The following TUBGCP5 variants were observed in gnomAD, a reference collection of about 807,000 sequenced individuals.
The protein encoded by TUBGCP5 is gamma-tubulin complex component 5.
In TUBGCP5, 98 loss-of-function variants were observed where a neutral mutation model predicts 134.7. That is an observed-to-expected ratio of 0.73 (90% CI 0.62 to 0.86). The LOEUF is 0.86. TUBGCP5 is among the 40% of genes least tolerant of loss of function. The pLI, the probability that TUBGCP5 is intolerant of heterozygous loss-of-function variation, is 0.00. For synonymous variants in TUBGCP5, 456 were observed against 431.4 expected (o/e 1.06, Z -0.71); for missense variants, 1,150 against 1,244.8 (o/e 0.92, Z 1.15).
chr15:23,016,969 G>GACATATATATATATATATATATATATAT (rs1555439437), intron 13 of TUBGCP5, among the ~76,000 whole-genome samples: 1 of 109,396 alleles, frequency 9.1e-6, no homozygotes, highest in East Asian at 3.1e-4. Context: ...AAAATTGTGA[G>GACATATATATATATATATATATATATAT]ATATATATAT....
intron 8 of TUBGCP5, among the ~76,000 whole-genome samples, chr15:23,025,288 T>A (rs570540456): frequency 6.6e-6 from 1 of 152,328 alleles, no homozygotes; most frequent in South Asian, 2.1e-4. Context: ...TTCATCTGAT[T>A]ACCCTAAGAC....
At chr15:23,033,152 T>C (rs369282470) in intron 3 of TUBGCP5, among the ~76,000 whole-genome samples, 16 of 152,186 alleles carry the variant, frequency 1.1e-4, no homozygotes, top group Non-Finnish European at 2.1e-4. Context: ...TGTGGCAATA[T>C]GTATCATGAA....
At chr15:23,033,979 T>C (rs1467803161) in intron 3 of TUBGCP5, among the ~76,000 whole-genome samples, 2 of 152,200 alleles carry the variant, frequency 1.3e-5, no homozygotes, top group Non-Finnish European at 2.9e-5. Flanking sequence ...CAAGCCTGAA[T>C]TGCCAAAGCC....
At chr15:23,004,304 T>C (rs2064574806) in intron 19 of TUBGCP5, 77 bp from the exon 20 acceptor site, 1 of 1,522,790 alleles carries the variant, frequency 6.6e-7, no homozygotes, top group African/African-American at 1.4e-5. Flanking sequence ...TCTTTTTTAC[T>C]AAGCTCTTCT....
rs552236240 is a variant in TUBGCP5 at position 23,018,005 on chromosome 15, C to T, written c.1524G>A (p.Trp508Ter). 1 of 1,612,772 alleles carries T rather than the reference C, an allele frequency of 6.2e-7. No individual in the cohort carries two copies. The highest frequency in any genetic ancestry group is 2.2e-5 in the East Asian group (1 of 44,858). Reference sequence around the variant, plus strand: ...CGCTATATAACGTGTAAGTTGCATACCAGAAGTCTCTGTGATTAACTGGAA... The same window carrying T: ...CGCTATATAACGTGTAAGTTGCATATCAGAAGTCTCTGTGATTAACTGGAA... ...KNVPVNHRDFWYATYTLYSVS... is the reference protein window; with the variant it reads ...KNVPVNHRDF Residue 508 changes from tryptophan to a stop codon, truncating the protein, a stop_gained, in exon 13 of 23, where the codon TGG (tryptophan) becomes TGA (stop). Transcript: ENST00000615383. LOFTEE classifies it high-confidence loss of function.
chr15:23,012,628 G>C (rs112367684), intron 13 of TUBGCP5, among the ~76,000 whole-genome samples: 1 of 152,052 alleles, frequency 6.6e-6, no homozygotes, highest in Admixed American at 6.5e-5. Context: ...GGATGGTATC[G>C]ATCTCCTGAC....
chr15:23,017,965 C>T lies in TUBGCP5; in HGVS notation c.1564G>A (p.Glu522Lys), dbSNP rs765480168. Residue 522 changes from glutamate (E) to lysine (K), a missense_variant, in exon 13 of 23, where the codon GAA becomes AAA. Coordinates refer to ENST00000615383, the MANE Select transcript of TUBGCP5 (RefSeq NM_052903.6). The part of the protein sequence containing the change: ...YTLYSVSEKT[E>K]NEEKMSDNAS... ...TTATCACTCATTTTTTCTTCATTTT[C>T]TGTCTTTTCTGATACGCTATATAAC... The T allele has an allele frequency of 1.9e-6, 3 of 1,614,062 alleles. No homozygotes were observed. In the African/African-American group the frequency reaches 4.0e-5, roughly 22 times the overall value.
chr15:22,986,782 G>A (rs958958452), intron 23 of TUBGCP5, among the ~76,000 whole-genome samples: 10 of 151,796 alleles, frequency 6.6e-5, no homozygotes, highest in Admixed American at 2.6e-4. Flanking sequence ...TCGTTAAATC[G>A]TTTGCTTGGG....
intron 19 of TUBGCP5, 62 bp downstream of exon 19, chr15:23,005,370 T>C: frequency 6.5e-7 from 1 of 1,545,964 alleles, no homozygotes; most frequent in Admixed American, 1.9e-5. Context: ...GTATGAGTAA[T>C]TCTCTACGAA....
intron 15 of TUBGCP5, among the ~76,000 whole-genome samples, chr15:23,009,596 A>G (rs904216320): frequency 2.6e-5 from 4 of 152,054 alleles, no homozygotes; most frequent in African/African-American, 4.8e-5. Flanking sequence ...TGAACTTTAC[A>G]AAGTTCATAT....
chr15:23,033,283 T>C lies in TUBGCP5; in HGVS notation c.310-459A>G, dbSNP rs149821705. ...ATCACAAACTTATGTTGTTTCATATTTTTTTTCCCCCCGAGATGGATTTTC... is the reference window on the plus strand; with the variant it reads ...ATCACAAACTTATGTTGTTTCATATCTTTTTTCCCCCCGAGATGGATTTTC... On this transcript the variant is annotated intron_variant, in intron 3 of 22. Transcript: ENST00000615383. Among the ~76,000 whole-genome samples the C allele has an allele frequency of 7.1e-3, 1,066 of 150,238 alleles. 5 individuals carry two copies. The highest frequency in any genetic ancestry group is 0.024 in the African/African-American group (939 of 39,800).
intron 5 of TUBGCP5, among the ~76,000 whole-genome samples, chr15:23,031,434 A>G (rs2066306230): frequency 6.6e-6 from 1 of 151,860 alleles, no homozygotes; most frequent in South Asian, 2.1e-4. Context: ...CTCGTGCCTG[A>G]GCCTCCTGAG....
intron 4 of TUBGCP5, 55 bp from the exon 5 acceptor site, chr15:23,032,084 A>C: frequency 7.4e-7 from 1 of 1,359,866 alleles, no homozygotes. Context: ...TTTGAAAAAA[A>C]ACCTCAAAAC....
intron 14 of TUBGCP5, 84 bp from the exon 15 acceptor site, chr15:23,010,217 T>G (rs1325872139): frequency 7.0e-7 from 1 of 1,422,186 alleles, no homozygotes; most frequent in Admixed American, 2.1e-5. Context: ...GTTCCATTTT[T>G]ACCTTTAGTC....
chr15:23,004,216 A>G lies in TUBGCP5; in HGVS notation c.2724T>C (p.Ser908=). The G allele has an allele frequency of 6.2e-7, 1 of 1,611,354 alleles. No homozygotes were observed. The highest frequency in any genetic ancestry group is 8.5e-7 in the Non-Finnish European group (1 of 1,179,336). ...CTTGATGTTGAAACTCCAGCCCTGT[A>G]CTGTGTAGAATCTTGGAAGAGAAAG... ...HNYIMTRILH[S]TGLEFQHQVE... The change falls in exon 20 of 23, where the codon AGT becomes AGC. Residue 908 remains serine (S), a synonymous_variant. Transcript: ENST00000615383.
chr15:23,030,893 C>G lies in TUBGCP5; in HGVS notation c.614G>C (p.Ser205Thr). 1 of 1,610,728 alleles carries G rather than the reference C, an allele frequency of 6.2e-7. No individual in the cohort carries two copies. The highest frequency in any genetic ancestry group is 8.5e-7 in the Non-Finnish European group (1 of 1,179,322). The change falls in exon 6 of 23, where the codon AGT becomes ACT. Residue 205 changes from serine to threonine, a missense_variant. Coordinates refer to ENST00000615383, the MANE Select transcript of TUBGCP5 (RefSeq NM_052903.6). ...CTCATAACACATAATACCTTTCCAA[C>G]TGATACAAGGATCCAGTTTTCTGTT... ...DQNRKLDPCISWKDEPDDRSW... is the reference protein window; with the variant it reads ...DQNRKLDPCITWKDEPDDRSW...
chr15:23,027,275 A>C lies in TUBGCP5; in HGVS notation c.654T>G (p.His218Gln). ...CTGTCCAGTACTGATGGACCACATG[A>C]TGTTCCAGCCAGCTTCGGTCATCTG... ...DEPDDRSWLE[H>Q]HVVHQYWTAR... Residue 218 changes from histidine to glutamine, a missense_variant, in exon 7 of 23, where the codon CAT becomes CAG. His to Gln is a conservative substitution (Grantham distance 24). Around this residue, in one of 2 missense-constraint regions of TUBGCP5, gnomAD observed 453 missense variants for 394.7 expected, o/e 1.15. Coordinates refer to ENST00000615383, the MANE Select transcript of TUBGCP5 (RefSeq NM_052903.6). The C allele has an allele frequency of 6.2e-7, 1 of 1,613,932 alleles. No homozygotes were observed. Among genetic ancestry groups the C allele is most frequent in the Non-Finnish European group, 8.5e-7 (1 of 1,179,962 alleles).
chr15:22,998,425 T>A (rs2064194822), downstream of TUBGCP5, among the ~76,000 whole-genome samples: 1 of 152,176 alleles, frequency 6.6e-6, no homozygotes, highest in Non-Finnish European at 1.5e-5. Flanking sequence ...ATGTAGAACT[T>A]CTCAGGCACA....
rs748497016 is a variant in TUBGCP5, at chr15:23,000,621, CAT to C, written c.2974_2975del (p.Met992ValfsTer12). On this transcript the variant is annotated frameshift_variant, in exon 22 of 23. Coordinates refer to ENST00000615383, the MANE Select transcript of TUBGCP5 (RefSeq NM_052903.6). LOFTEE classifies it high-confidence loss of function. ...CTTTGTTTAAAATGGTTACAAGAAA[CAT>C]ATGGCAGTTTTTAAAATCAGATTCC... ...KMESDFKNCHMFLVTILNKAV... is the reference protein window; with the variant it reads ...KMESDFKNCHXFLVTILNKAV... The C allele has an allele frequency of 3.7e-6, 6 of 1,609,024 alleles. No homozygotes were observed. The Admixed American group carries it at 6.7e-5, about 18-fold the overall frequency.
Sources: gnomAD v4.1 joint callset for allele counts (sites outside exome capture counted in the v4.1 genomes callset) on GRCh38, gnomAD v4.1.1 for gene constraint, gnomAD v4.1.1 regional missense constraint, MANE v1.5 for transcripts, NCBI Gene and HGNC (gene_info 2026-07-23, HGNC 2026-07-21) for gene names.